Variants in ASCC2 observed in about 807,000 individuals in gnomAD.
ASCC2 encodes the protein activating signal cointegrator 1 complex subunit 2, also known as ASC-1 complex subunit P100.
In ASCC2, 42 loss-of-function variants were observed where a neutral mutation model predicts 93.5. The ratio of observed to expected loss-of-function variants is 0.45; its 90% CI spans 0.35 to 0.58. The LOEUF is 0.58. ASCC2 is among the 20% of genes least tolerant of loss of function. ASCC2 has a pLI of 0.00. For missense variants in ASCC2, 859 were observed against 977.6 expected, an observed-to-expected ratio of 0.88 and a Z score of 1.62; for synonymous variants, 364 against 384.2, an observed-to-expected ratio of 0.95 and a Z score of 0.62.
intron 5 of ASCC2, among the ~76,000 whole-genome samples, chr22:29,819,032 G>A (rs1228172113): frequency 6.6e-6 from 1 of 152,184 alleles, no homozygotes; most frequent in Non-Finnish European, 1.5e-5. Context: ...CTTGTTACCA[G>A]ATGGCTCCTT....
Position 29,788,684 on chromosome 22 carries a change from T to C in ASCC2, c.*329A>G. Reference sequence around the variant, plus strand: ...TATACAGGTTTCCTGCTGTCCAGGGTAAAGGGGAAGTGGTGTCTTGTGGCC... The same window carrying C: ...TATACAGGTTTCCTGCTGTCCAGGGCAAAGGGGAAGTGGTGTCTTGTGGCC... On this transcript the variant is annotated 3_prime_UTR_variant, in exon 20 of 20. Coordinates refer to ENST00000307790, the MANE Select transcript of ASCC2 (RefSeq NM_032204.5). 1 of 372,822 alleles carries C rather than the reference T, an allele frequency of 2.7e-6. No individual in the cohort carries two copies. The highest frequency in any genetic ancestry group is 5.0e-6 in the Non-Finnish European group (1 of 200,814). The allele number at this position is 372,822 out of a possible 1,614,324, so 23.1% of individuals were successfully genotyped here.
chr22:29,806,685 C>T, intron 10 of ASCC2, 112 bp downstream of exon 10: 1 of 1,421,410 alleles, frequency 7.0e-7, no homozygotes, highest in South Asian at 1.2e-5. Context: ...TTTCTCATCT[C>T]TGTTCAGCCA....
intron 14 of ASCC2, 116 bp from the exon 15 acceptor site, chr22:29,801,226 A>C (rs1489630768): frequency 1.2e-5 from 15 of 1,298,922 alleles, no homozygotes; most frequent in Admixed American, 2.4e-5. Flanking sequence ...TTCAACAGGC[A>C]CTCCTAGGAC....
chr22:29,803,583 G>A (rs1052614323), intron 13 of ASCC2, among the ~76,000 whole-genome samples: 5 of 152,170 alleles, frequency 3.3e-5, no homozygotes, highest in African/African-American at 1.2e-4. Context: ...GTTTACTGAC[G>A]GTGGAGGCGA....
intron 2 of ASCC2, among the ~76,000 whole-genome samples, chr22:29,830,916 C>T (rs571636068): frequency 7.9e-5 from 12 of 152,278 alleles, no homozygotes; most frequent in Middle Eastern, 3.4e-3. Context: ...CATGTTCATT[C>T]GGTATGTGGG....
intron 1 of ASCC2, among the ~76,000 whole-genome samples, chr22:29,835,303 C>T (rs910736728): frequency 5.3e-5 from 8 of 151,644 alleles, no homozygotes; most frequent in African/African-American, 1.7e-4. Context: ...GAGGCTGAGG[C>T]GGAAGGATCA....
chr22:29,828,781 G>C (rs1172180330), intron 2 of ASCC2, among the ~76,000 whole-genome samples: 1 of 152,240 alleles, frequency 6.6e-6, no homozygotes, highest in Non-Finnish European at 1.5e-5. Context: ...AGAGGCACAA[G>C]AAAACTTTCA....
chr22:29,835,360 T>C (rs1258144533), intron 1 of ASCC2, among the ~76,000 whole-genome samples: 1 of 151,592 alleles, frequency 6.6e-6, no homozygotes, highest in Non-Finnish European at 1.5e-5. Flanking sequence ...ATGGCACCAC[T>C]GCACTCCATC....
In ASCC2 at chr22:29,790,491, T is replaced by C. The variant is rs372955044; in HGVS notation, c.2080A>G (p.Met694Val). 5 of 1,614,084 alleles carry C rather than the reference T, an allele frequency of 3.1e-6. No homozygotes were observed. The highest frequency in any genetic ancestry group is 4.2e-6 in the Non-Finnish European group (5 of 1,180,026). ...CACCCTTTCTTGGCGAGAAAGGCCA[T>C]GCGCCTGGCTTCTGCCTTCTCTCTC... ...VLREKAEARR[M>V]AFLAKKGYRH... is the part of the protein sequence containing the mutation. Residue 694 changes from methionine to valine, a missense_variant, in exon 19 of 20, where the codon ATG becomes GTG. Transcript: ENST00000307790.
At chr22:29,796,294 A>G (rs1011999632) in intron 15 of ASCC2, among the ~76,000 whole-genome samples, 4 of 151,758 alleles carry the variant, frequency 2.6e-5, no homozygotes, top group African/African-American at 9.7e-5. Flanking sequence ...ATTTTTTTTT[A>G]GTAGTCTTTA....
Position 29,806,503 on chromosome 22 carries a change from G to C in ASCC2, c.1067C>G (p.Ser356Cys). The part of the protein sequence containing the change: ...FIEEFLQIFS[S>C]LLQEKRFLRD... ...CACTCACCTCTTCTCCTGCAGCAAG[G>C]AGCTGAAGATCTGAAGGAACTCTTC... Residue 356 changes from serine to cysteine, a missense_variant, in exon 11 of 20, where the codon TCC becomes TGC. Coordinates refer to ENST00000307790, the MANE Select transcript of ASCC2 (RefSeq NM_032204.5). 2 of 1,614,032 alleles carry C rather than the reference G, an allele frequency of 1.2e-6. No individual in the cohort carries two copies. The highest frequency in any genetic ancestry group is 1.7e-6 in the Non-Finnish European group (2 of 1,179,972).
intron 4 of ASCC2, among the ~76,000 whole-genome samples, 189 bp downstream of exon 4, chr22:29,824,898 A>G (rs976080062): frequency 3.9e-5 from 6 of 152,228 alleles, no homozygotes; most frequent in African/African-American, 1.2e-4. Context: ...TGGGTGTAAC[A>G]CAGACCAACC....
Position 29,792,624 on chromosome 22 carries a change from G to GGGCC in ASCC2, c.1920-93_1920-90dup, listed in dbSNP as rs1180188260. On this transcript the variant is annotated intron_variant, in intron 17 of 19. Transcript: ENST00000307790. ...GGAGGGAACCTGGTTGGGTGAGATGGGGCCGCCAGGAGGGCTCAGGAGGTT... is the reference window on the plus strand; with the variant it reads ...GGAGGGAACCTGGTTGGGTGAGATGGGGCCGGCCGCCAGGAGGGCTCAGGAGGTT... The GGGCC allele has an allele frequency of 3.2e-6, 5 of 1,553,104 alleles. No homozygotes were observed. In the African/African-American group the frequency reaches 6.8e-5, roughly 21 times the overall value.
Position 29,790,539 on chromosome 22 carries a change from A to G in ASCC2, c.2032T>C (p.Phe678Leu). 1 of 1,613,964 alleles carries G rather than the reference A, an allele frequency of 6.2e-7. No homozygotes were observed. Among genetic ancestry groups the G allele is most frequent in the Non-Finnish European group, 8.5e-7 (1 of 1,179,966 alleles). The change falls in exon 19 of 20, where the codon TTT becomes CTT. Residue 678 changes from phenylalanine to leucine, a missense_variant. Phe to Leu is a conservative substitution (Grantham distance 22). Coordinates refer to ENST00000307790, the MANE Select transcript of ASCC2 (RefSeq NM_032204.5). The stretch of plus-strand genomic sequence containing the variant: ...CTCAGCACTGCAGGGTCCTGAACAA[A>G]ATGGTCGGGCTGTGGAAAGGAGAGG... The part of the protein sequence containing the change: ...ADEEAPKPDH[F>L]VQDPAVLREK...
At chr22:29,793,940 C>G (rs1244826089) in intron 15 of ASCC2, among the ~76,000 whole-genome samples, 1 of 151,598 alleles carries the variant, frequency 6.6e-6, no homozygotes, top group Non-Finnish European at 1.5e-5. Context: ...GCTCTGTCAC[C>G]CAGGCTGCAG....
intron 18 of ASCC2, among the ~76,000 whole-genome samples, chr22:29,791,836 T>C (rs766725319): frequency 6.6e-6 from 1 of 152,208 alleles, no homozygotes; most frequent in Admixed American, 6.5e-5. Flanking sequence ...GCAGGGCACG[T>C]GCTTCCCACT....
At chr22:29,829,499 G>A (rs1602250720) in intron 2 of ASCC2, among the ~76,000 whole-genome samples, 1 of 152,164 alleles carries the variant, frequency 6.6e-6, no homozygotes, top group Admixed American at 6.5e-5. Flanking sequence ...AAGGCGGGCG[G>A]ATCACAAGGT....
chr22:29,833,872 T>C (rs2063449679), intron 1 of ASCC2, among the ~76,000 whole-genome samples: 1 of 136,586 alleles, frequency 7.3e-6, no homozygotes, highest in African/African-American at 2.5e-5. Context: ...TAAGTGCTTT[T>C]CTTTTTCTTT....
chr22:29,793,408 T>C lies in ASCC2; in HGVS notation c.1871A>G (p.Gln624Arg), dbSNP rs751219102. 6 of 1,614,042 alleles carry C rather than the reference T, an allele frequency of 3.7e-6. No homozygotes were observed. The highest frequency in any genetic ancestry group is 5.1e-6 in the Non-Finnish European group (6 of 1,180,032). ...DEYDDTYDGN[Q>R]VGANDADSDD... ...AGAGTCTGCATCATTGGCGCCCACC[T>C]GGTTGCCATCGTATGTGTCATCGTA... The change falls in exon 17 of 20, where the codon CAG (glutamine) becomes CGG (arginine). Residue 624 changes from glutamine (Q) to arginine (R), a missense_variant. By Grantham distance (43) the Gln-to-Arg change is conservative. Transcript: ENST00000307790.
Sources: gnomAD v4.1 joint callset for allele counts (sites outside exome capture counted in the v4.1 genomes callset) on GRCh38, gnomAD v4.1.1 for gene constraint, MANE v1.5 for transcripts, NCBI Gene and HGNC (gene_info 2026-07-23, HGNC 2026-07-21) for gene names.